Variants in ITIH6 observed in about 807,000 individuals in gnomAD.
The protein encoded by ITIH6 is inter-alpha-trypsin inhibitor heavy chain H6.
Under a neutral mutation model 58.2 loss-of-function variants are expected in ITIH6, and 60 were observed. That is an observed-to-expected ratio of 1.03 (90% confidence interval 0.84 to 1.28). The LOEUF (loss-of-function observed/expected upper bound fraction) is 1.28, where lower values mean the gene tolerates loss of function less well. Ranked by LOEUF, ITIH6 falls within the 50% of genes most tolerant of loss-of-function variation. ITIH6 has a pLI of 0.00. For synonymous variants in ITIH6, 493 were observed against 417.4 expected (o/e 1.18, Z -2.21); for missense variants, 1,290 against 1,021.1 (o/e 1.26, Z -3.59).
rs1336887743 is a variant in ITIH6, at chrX:54,758,192, C to A, written c.1882G>T (p.Ala628Ser). The change falls in exon 8 of 13, where the codon GCT (alanine) becomes TCT (serine). Residue 628 changes from alanine to serine, a missense_variant. Transcript: ENST00000218436. ...EETRRQTSTSAGPDTIMPSSS... is the reference protein window; with the variant it reads ...EETRRQTSTSSGPDTIMPSSS... ...GAGGGCATGATGGTGTCTGGCCCAG[C>A]AGAGGTGGAAGTCTGTCTCCTGGTC... is the stretch of plus-strand genomic sequence containing the variant. 1.7e-6 allele frequency: 2 copies of A among 1,211,217 alleles called. No individual in the cohort carries two copies. Among genetic ancestry groups the A allele is most frequent in the Admixed American group, 4.3e-5 (2 of 46,027 alleles).
intron 6 of ITIH6, among the ~76,000 whole-genome samples, chrX:54,760,416 G>C (rs1406194170): frequency 1.8e-5 from 2 of 111,079 alleles, no homozygotes. Flanking sequence ...ATTCAATGAT[G>C]TTTAGGACCT....
chrX:54,769,632 C>G (rs1442364060), intron 6 of ITIH6, among the ~76,000 whole-genome samples: 8 of 102,423 alleles, frequency 7.8e-5, no homozygotes, highest in African/African-American at 3.0e-4. Flanking sequence ...GTTGGAATGC[C>G]CTGCCGTGTG....
At chrX:54,769,517 C>G (rs1212877402) in intron 6 of ITIH6, among the ~76,000 whole-genome samples, 9 of 106,115 alleles carry the variant, frequency 8.5e-5, no homozygotes, top group African/African-American at 3.2e-4. Context: ...GTTTTATCTA[C>G]TTTTGGTCTT....
chrX:54,769,960 G>C (rs1301185958), intron 6 of ITIH6, among the ~76,000 whole-genome samples: 16 of 107,522 alleles, frequency 1.5e-4, no homozygotes, highest in Non-Finnish European at 2.0e-4. Flanking sequence ...GGGCAATGGC[G>C]GGCGCCCCTC....
chrX:54,758,908 A>T lies in ITIH6; in HGVS notation c.1166T>A (p.Ile389Asn). ...ATCCGTCAGGAAGATGATAAGAGGG[A>T]TCCTCCCCACACTGGGGCCCCTCCC... ...EPGRGPSVGR[I>N]PLIIFLTDGE... is the part of the protein sequence containing the mutation. Residue 389 changes from isoleucine (I) to asparagine (N), a missense_variant, in exon 8 of 13, where the codon ATC becomes AAC. By Grantham distance (149) the Ile-to-Asn change is moderately radical. Coordinates refer to ENST00000218436, the MANE Select transcript of ITIH6 (RefSeq NM_198510.3). The T allele has an allele frequency of 8.3e-7, 1 of 1,209,106 alleles. No homozygotes were observed. The highest frequency in any genetic ancestry group is 1.1e-6 in the Non-Finnish European group (1 of 894,246).
At chrX:54,793,487 T>C (rs923824679) in intron 2 of ITIH6, among the ~76,000 whole-genome samples, 3 of 112,298 alleles carry the variant, frequency 2.7e-5, no homozygotes, top group Non-Finnish European at 3.8e-5. Flanking sequence ...CTTAGAGTCA[T>C]GTTGGATTCT....
At position 54,755,015 on chromosome X, in the gene ITIH6, A is replaced by G. The variant is rs1928457602; in HGVS notation, c.3202+2T>C. On this transcript the variant is annotated splice_donor_variant, in intron 9 of 12. Coordinates refer to ENST00000218436, the MANE Select transcript of ITIH6 (RefSeq NM_198510.3). LOFTEE classifies it high-confidence loss of function. Reference sequence around the variant, plus strand: ...TCTTTGTCAGGAGAGCTCCTTGCTCACCTTTTGCTAACCCCACAGAACTTC... The same window carrying G: ...TCTTTGTCAGGAGAGCTCCTTGCTCGCCTTTTGCTAACCCCACAGAACTTC... The G allele has an allele frequency of 1.7e-6, 2 of 1,196,282 alleles. No individual in the cohort carries two copies. Among genetic ancestry groups the G allele is most frequent in the African/African-American group, 3.5e-5 (2 of 57,051 alleles).
intron 6 of ITIH6, 137 bp downstream of exon 6, chrX:54,773,944 G>T (rs1929003262): frequency 3.0e-6 from 1 of 336,681 alleles, no homozygotes; most frequent in Non-Finnish European, 5.3e-6. Flanking sequence ...AGGACCCTAG[G>T]GTAGGCCCAA....
chrX:54,757,257 C>G lies in ITIH6; in HGVS notation c.2817G>C (p.Arg939Ser). Reference sequence around the variant, plus strand: ...GGAGGAGGTCATACTGATGCCAGAACCTTCCAGGGGGCAGAGTGGGAGTAA... The same window carrying G: ...GGAGGAGGTCATACTGATGCCAGAAGCTTCCAGGGGGCAGAGTGGGAGTAA... ...MPFTPTLPPGRFWHQYDLLPG... is the reference protein window; with the variant it reads ...MPFTPTLPPGSFWHQYDLLPG... The change falls in exon 8 of 13, where the codon AGG becomes AGC. Residue 939 changes from arginine (R) to serine (S), a missense_variant. By Grantham distance (110) the Arg-to-Ser change is moderately radical (BLOSUM62 -1). Transcript: ENST00000218436. The G allele has an allele frequency of 8.4e-7, 1 of 1,191,242 alleles. No homozygotes were observed. The highest frequency in any genetic ancestry group is 1.1e-6 in the Non-Finnish European group (1 of 884,924).
At chrX:54,796,003 T>C (rs918952561) in intron 2 of ITIH6, among the ~76,000 whole-genome samples, 2 of 111,756 alleles carry the variant, frequency 1.8e-5, no homozygotes, top group African/African-American at 6.5e-5. Context: ...TAGCTGAGAC[T>C]ATAGGCATGC....
At chrX:54,766,010 C>G (rs1000711768) in intron 6 of ITIH6, among the ~76,000 whole-genome samples, 4 of 111,218 alleles carry the variant, frequency 3.6e-5, no homozygotes, top group Non-Finnish European at 7.5e-5. Context: ...GATATTGATT[C>G]TTCCTACCCA....
At chrX:54,753,588 A>G (rs1248262772) in intron 11 of ITIH6, 63 bp downstream of exon 11, 3 of 799,180 alleles carry the variant, frequency 3.8e-6, no homozygotes, top group Non-Finnish European at 5.7e-6. Flanking sequence ...ACAAATGTCT[A>G]GGGGTATTGA....
chrX:54,760,498 G>C (rs1928612022), intron 6 of ITIH6, among the ~76,000 whole-genome samples: 1 of 111,258 alleles, frequency 9.0e-6, no homozygotes, highest in African/African-American at 3.3e-5. Context: ...ATGCAGGTTT[G>C]TTACATATGT....
chrX:54,759,693 G>A (rs1273269525), intron 7 of ITIH6, 63 bp downstream of exon 7: 1 of 951,531 alleles, frequency 1.1e-6, no homozygotes, highest in Non-Finnish European at 1.4e-6. Flanking sequence ...ATGAAGAGAG[G>A]GTTTCAGGAA....
chrX:54,751,256 G>A lies in ITIH6; in HGVS notation c.3477C>T (p.Ile1159=), dbSNP rs768497345. ...CTCGCAAAGATATAGAACTGCGGCT[G>A]ATGGTGATAGTATAGGCCCGGGGTT... ...TDKPRAYTIT[I]SRSSISLRGE... The change falls in exon 12 of 13, where the codon ATC becomes ATT. Residue 1159 remains isoleucine, a synonymous_variant. Coordinates refer to ENST00000218436, the MANE Select transcript of ITIH6 (RefSeq NM_198510.3). The A allele has an allele frequency of 1.7e-6, 2 of 1,212,006 alleles. No homozygotes were observed. Among genetic ancestry groups the A allele is most frequent in the South Asian group, 3.5e-5 (2 of 56,999 alleles).
At chrX:54,796,303 C>T (rs1233965954) in intron 2 of ITIH6, among the ~76,000 whole-genome samples, 2 of 112,452 alleles carry the variant, frequency 1.8e-5, no homozygotes, top group African/African-American at 6.5e-5. Flanking sequence ...GTTTAAAAAG[C>T]AATAAAGCTA....
rs527740087 is a variant in ITIH6, at chrX:54,790,861, G to A, written c.592C>T (p.Arg198Cys). ...YVHIPPLRTG[R>C]LRTNAHASEV... ...CTTGCATGGGCATTGGTGCGCAGAC[G>A]GCCGGTCCTCAGGGGTGGTATGTGC... The change falls in exon 4 of 13, where the codon CGT (arginine) becomes TGT (cysteine). Residue 198 changes from arginine to cysteine, a missense_variant. Arg to Cys is a radical substitution (Grantham distance 180, BLOSUM62 -3). Transcript: ENST00000218436. 4.3e-5 allele frequency: 52 copies of A among 1,210,853 alleles called. No homozygotes were observed. In the South Asian group the frequency reaches 6.3e-4, roughly 15 times the overall value.
chrX:54,770,839 T>G (rs181637945), intron 6 of ITIH6, among the ~76,000 whole-genome samples: 2 of 112,659 alleles, frequency 1.8e-5, no homozygotes, highest in Non-Finnish European at 3.8e-5. Context: ...AGATATACCA[T>G]TTTCTTCCTC....
chrX:54,782,880 A>T (rs1012065748), intron 5 of ITIH6, among the ~76,000 whole-genome samples: 9 of 112,194 alleles, frequency 8.0e-5, no homozygotes, highest in Non-Finnish European at 1.5e-4. Flanking sequence ...CCAGACAAAG[A>T]CACATCAAAA....
Sources: gnomAD v4.1 joint callset for allele counts (sites outside exome capture counted in the v4.1 genomes callset) on GRCh38, gnomAD v4.1.1 for gene constraint, MANE v1.5 for transcripts, NCBI Gene and HGNC (gene_info 2026-07-23, HGNC 2026-07-21) for gene names.